SGCZ: variants seen among roughly 807,000 people sequenced by gnomAD.
SGCZ encodes zeta-sarcoglycan.
A neutral mutation model predicts 41.3 loss-of-function variants in SGCZ; 40 were observed. That is an observed-to-expected ratio of 0.97 (90% confidence interval 0.75 to 1.26). The LOEUF (loss-of-function observed/expected upper bound fraction) is 1.26, where lower values mean the gene tolerates loss of function less well. Among genes scored for constraint, SGCZ ranks in the 50% most tolerant of loss-of-function variants. The pLI is 0.00. For synonymous variants in SGCZ, 206 were observed against 137.5 expected (o/e 1.50, Z -3.49); for missense variants, 552 against 369.8 (o/e 1.49, Z -4.04).
chr8:14,311,094 C>T (rs577141887), intron 3 of SGCZ, among the ~76,000 whole-genome samples: 1 of 152,204 alleles, frequency 6.6e-6, no homozygotes, highest in Non-Finnish European at 1.5e-5. Context: ...TTCTTACAAA[C>T]ATCAAGTGAT....
At chr8:15,097,814 ACG>A (rs1806413778) in intron 1 of SGCZ, among the ~76,000 whole-genome samples, 2 of 94,028 alleles carry the variant, frequency 2.1e-5, no homozygotes, top group African/African-American at 1.1e-4. Context: ...ATATATATAT[ACG>A]TGTGTGTATA....
intron 2 of SGCZ, among the ~76,000 whole-genome samples, chr8:14,447,049 A>G (rs1298214634): frequency 6.6e-6 from 1 of 152,182 alleles, no homozygotes; most frequent in Non-Finnish European, 1.5e-5. Context: ...GTTTTCCGAG[A>G]AATACCACAT....
At chr8:14,992,177 C>T (rs1296857170) in intron 1 of SGCZ, among the ~76,000 whole-genome samples, 2 of 150,910 alleles carry the variant, frequency 1.3e-5, no homozygotes, top group Non-Finnish European at 2.9e-5. Flanking sequence ...TAATCTACTC[C>T]CCAAACTAGT....
chr8:15,140,846 T>G (rs191685858), intron 1 of SGCZ, among the ~76,000 whole-genome samples: 1 of 152,306 alleles, frequency 6.6e-6, no homozygotes, highest in Admixed American at 6.5e-5. Flanking sequence ...CTCAGTAGTA[T>G]TGAACACTAA....
At chr8:14,557,279 A>ATT (rs141080567) in intron 1 of SGCZ, among the ~76,000 whole-genome samples, 13,767 of 147,580 alleles carry the variant, frequency 0.093, 928 homozygotes, top group East Asian at 0.35. Flanking sequence ...TTTGATGGGG[A>ATT]TTTTTTTTTT....
chr8:14,265,254 A>T (rs1469923352), intron 3 of SGCZ, among the ~76,000 whole-genome samples: 1 of 152,144 alleles, frequency 6.6e-6, no homozygotes, highest in Non-Finnish European at 1.5e-5. Context: ...ACCCTGAGAT[A>T]ACTTTGCCGA....
At chr8:15,159,148 G>T (rs896957596) in intron 1 of SGCZ, among the ~76,000 whole-genome samples, 2 of 152,118 alleles carry the variant, frequency 1.3e-5, no homozygotes, top group Non-Finnish European at 2.9e-5. Flanking sequence ...AATCAGTCAT[G>T]CCTAGGTAAT....
chr8:14,446,284 T>C (rs1800430720), intron 2 of SGCZ, among the ~76,000 whole-genome samples: 1 of 152,212 alleles, frequency 6.6e-6, no homozygotes, highest in Non-Finnish European at 1.5e-5. Context: ...TACCTACTGC[T>C]GTCACTCACC....
At chr8:14,508,536 C>G (rs4831298) in intron 2 of SGCZ, among the ~76,000 whole-genome samples, 74,216 of 151,784 alleles carry the variant, frequency 0.49, 18,434 homozygotes, top group East Asian at 0.66. Flanking sequence ...TAGGCATGTT[C>G]ATTTTTATAA....
chr8:14,092,426 A>G (rs909656454), intron 7 of SGCZ, among the ~76,000 whole-genome samples: 3 of 151,856 alleles, frequency 2.0e-5, no homozygotes, highest in Non-Finnish European at 4.4e-5. Context: ...CCATTTTCAT[A>G]TTTTTTAATA....
At chr8:15,231,006 A>T (rs1247550027) in intron 1 of SGCZ, among the ~76,000 whole-genome samples, 4 of 152,198 alleles carry the variant, frequency 2.6e-5, no homozygotes, top group African/African-American at 9.6e-5. Flanking sequence ...TACTCTAACC[A>T]GATCAGCACC....
intron 2 of SGCZ, among the ~76,000 whole-genome samples, chr8:14,441,164 TTTTTA>T (rs1400539844): frequency 1.3e-5 from 2 of 152,200 alleles, no homozygotes; most frequent in Non-Finnish European, 2.9e-5. Context: ...TTACAATCAG[TTTTTA>T]TTTTAATTTG....
At chr8:14,834,824 A>G (rs1382378645) in intron 1 of SGCZ, among the ~76,000 whole-genome samples, 1 of 152,168 alleles carries the variant, frequency 6.6e-6, no homozygotes, top group Non-Finnish European at 1.5e-5. Flanking sequence ...TCGGATACTG[A>G]TTTAATCTCT....
chr8:14,093,488 C>T (rs929862593), intron 7 of SGCZ, among the ~76,000 whole-genome samples: 2 of 152,064 alleles, frequency 1.3e-5, no homozygotes, highest in Non-Finnish European at 2.9e-5. Flanking sequence ...TGCTCCAGTT[C>T]TTGCATTTTC....
At chr8:14,427,651 C>T (rs766761374) in intron 2 of SGCZ, among the ~76,000 whole-genome samples, 2 of 152,076 alleles carry the variant, frequency 1.3e-5, no homozygotes, top group Non-Finnish European at 2.9e-5. Context: ...AGGAGTTAGG[C>T]GGTAATTGCT....
At chr8:14,186,864 CAA>C (rs1305856807) in intron 4 of SGCZ, among the ~76,000 whole-genome samples, 1 of 152,102 alleles carries the variant, frequency 6.6e-6, no homozygotes, top group Non-Finnish European at 1.5e-5. Context: ...GAGAGCCAGG[CAA>C]AGAGACAGTT....
chr8:14,185,695 G>GC (rs1804881528), intron 4 of SGCZ, among the ~76,000 whole-genome samples: 2 of 151,604 alleles, frequency 1.3e-5, no homozygotes, highest in Non-Finnish European at 2.9e-5. Flanking sequence ...TTTTGTTTTG[G>GC]TCTATATCCC....
intron 1 of SGCZ, among the ~76,000 whole-genome samples, chr8:14,697,016 A>C (rs1808986483): frequency 6.6e-6 from 1 of 152,066 alleles, no homozygotes; most frequent in African/African-American, 2.4e-5. Context: ...CTTACATTAA[A>C]TATGGGGAAA....
Position 15,226,976 on chromosome 8 carries a change from C to T in SGCZ, c.39+10609G>A, listed in dbSNP as rs73524821. On this transcript the variant is annotated intron_variant, in intron 1 of 7. Transcript: ENST00000382080. Reference sequence around the variant, plus strand: ...AATACTAAACAAGACGAAGAACATACGACAGGAGGGGCACACTTGACAGAG... The same window carrying T: ...AATACTAAACAAGACGAAGAACATATGACAGGAGGGGCACACTTGACAGAG... 5.7e-3 allele frequency among the ~76,000 whole-genome samples: 863 copies of T among 152,194 alleles called. 3 individuals carry two copies. The highest frequency in any genetic ancestry group is 0.019 in the African/African-American group (798 of 41,528).
Sources: gnomAD v4.1 joint callset for allele counts (sites outside exome capture counted in the v4.1 genomes callset) on GRCh38, gnomAD v4.1.1 for gene constraint, MANE v1.5 for transcripts, NCBI Gene and HGNC (gene_info 2026-07-23, HGNC 2026-07-21) for gene names.